The following NKD1 variants were observed in gnomAD, a reference collection of about 807,000 sequenced individuals.
The protein encoded by NKD1 is NKD inhibitor of Wnt signaling pathway 1, also known as protein naked cuticle homolog 1.
A neutral mutation model predicts 56.0 loss-of-function variants in NKD1; 21 were observed. That is an observed-to-expected ratio of 0.38 (90% CI 0.27 to 0.54). The LOEUF is 0.54. Ranked by LOEUF, NKD1 falls within the 20% of genes least tolerant of loss-of-function variation. The pLI is 0.82. For synonymous variants in NKD1, 263 were observed against 265.7 expected (o/e 0.99, Z 0.10); for missense variants, 578 against 642.7 (o/e 0.90, Z 1.09).
chr16:50,625,327 G>C, intron 5 of NKD1, 158 bp from the exon 6 acceptor site: 1 of 634,854 alleles, frequency 1.6e-6, no homozygotes, highest in South Asian at 1.8e-5. Flanking sequence ...TCCTGGGCCA[G>C]TTCTGTCTTG....
rs1962514710 is a variant in NKD1, at chr16:50,638,439, C to T, written c.*4658C>T. ...TGCCTCGGCCTCCCCAGACCAGCTG[C>T]ACCCAGCCCCCAACACGCACCCCTT... On this transcript the variant is annotated 3_prime_UTR_variant, in exon 10 of 10. Coordinates refer to ENST00000268459, the MANE Select transcript of NKD1 (RefSeq NM_033119.5). 6.5e-6 allele frequency: 1 copy of T among 152,862 alleles called. No homozygotes were observed. Among genetic ancestry groups the T allele is most frequent in the Non-Finnish European group, 1.5e-5 (1 of 68,340 alleles). 9.5% of individuals were successfully genotyped at this position (152,862 alleles called of 1,614,324 possible). A position where few individuals can be genotyped will look rare whatever the true frequency, so the allele number is the denominator to read the frequency against.
At position 50,632,470 on chromosome 16, in the gene NKD1, C is replaced by T. The variant is rs747792586; in HGVS notation, c.823+62C>T. ...GCAGGGCGTGGCTGGACGGGCCAGG[C>T]GGGCCGTGCGGGTGGTGTTCACTGC... On this transcript the variant is annotated intron_variant, in intron 9 of 9. Coordinates refer to ENST00000268459, the MANE Select transcript of NKD1 (RefSeq NM_033119.5). The surrounding 1 kb of genome is among the most constrained non-coding windows in gnomAD (Gnocchi z 4.1). 12 of 1,563,806 alleles carry T rather than the reference C, an allele frequency of 7.7e-6. No homozygotes were observed. In the Middle Eastern group the frequency reaches 5.2e-4, roughly 67 times the overall value.
chr16:50,622,118 AG>A (rs1962105716), intron 5 of NKD1, among the ~76,000 whole-genome samples: 1 of 152,056 alleles, frequency 6.6e-6, no homozygotes, highest in Admixed American at 6.5e-5. Context: ...GATGAACAGG[AG>A]GTACGGGCAG....
At chr16:50,610,750 C>A (rs1180660595) in intron 4 of NKD1, among the ~76,000 whole-genome samples, 1 of 152,192 alleles carries the variant, frequency 6.6e-6, no homozygotes, top group Non-Finnish European at 1.5e-5. Flanking sequence ...TATGTAAAGC[C>A]GGCCCTAATC....
At chr16:50,551,240 G>A (rs565100345) in intron 3 of NKD1, among the ~76,000 whole-genome samples, 10 of 152,128 alleles carry the variant, frequency 6.6e-5, no homozygotes, top group Admixed American at 6.5e-5. Flanking sequence ...AGTGAGGGAG[G>A]GTGGGGAGGG....
chr16:50,572,725 T>C (rs1960911248), intron 3 of NKD1, among the ~76,000 whole-genome samples: 1 of 152,200 alleles, frequency 6.6e-6, no homozygotes, highest in African/African-American at 2.4e-5. Flanking sequence ...CTATGGTTCG[T>C]CTTCTTACCC....
chr16:50,561,437 G>C (rs1035037778), intron 3 of NKD1, among the ~76,000 whole-genome samples: 1 of 151,382 alleles, frequency 6.6e-6, no homozygotes, highest in Non-Finnish European at 1.5e-5. Flanking sequence ...TGATCACTTT[G>C]TGACTTGCTT....
At chr16:50,568,801 A>G (rs1960820002) in intron 3 of NKD1, among the ~76,000 whole-genome samples, 2 of 152,152 alleles carry the variant, frequency 1.3e-5, no homozygotes, top group African/African-American at 4.8e-5. Context: ...CTGCCCCCCC[A>G]GAGGATGGGA....
chr16:50,601,275 G>A (rs1457166093), intron 3 of NKD1, among the ~76,000 whole-genome samples: 1 of 152,212 alleles, frequency 6.6e-6, no homozygotes, highest in African/African-American at 2.4e-5. Context: ...ATTGCTTCTG[G>A]GAGCTGTGGG....
chr16:50,616,019 A>G, intron 4 of NKD1: 2 of 451,442 alleles, frequency 4.4e-6, no homozygotes, highest in South Asian at 1.6e-5. Flanking sequence ...AGAGGCTAAT[A>G]TTAAAATTCA....
chr16:50,584,271 G>A (rs1961180885), intron 3 of NKD1, among the ~76,000 whole-genome samples: 1 of 152,158 alleles, frequency 6.6e-6, no homozygotes, highest in Non-Finnish European at 1.5e-5. Flanking sequence ...GAGAGGAAGT[G>A]GACTCCCCAG....
rs1962595068 is a variant in NKD1 at position 50,642,368 on chromosome 16, C to T, written c.*8587C>T. ...GACCTGATGTCCTAGATCCTGTGCA[C>T]TTGGCTTCATGGATAGAGTCTGAGA... On this transcript the variant is annotated 3_prime_UTR_variant, in exon 10 of 10. Transcript: ENST00000268459. The T allele has an allele frequency of 6.6e-6, 1 of 152,274 alleles. No homozygotes were observed. The highest frequency in any genetic ancestry group is 1.5e-5 in the Non-Finnish European group (1 of 68,072). 9.4% of individuals were successfully genotyped at this position (152,274 alleles called of 1,614,324 possible).
At chr16:50,590,643 T>C (rs895842856) in intron 3 of NKD1, among the ~76,000 whole-genome samples, 1 of 152,186 alleles carries the variant, frequency 6.6e-6, no homozygotes, top group African/African-American at 2.4e-5. Context: ...AGGAGGAAAC[T>C]AAGGTACAAA....
chr16:50,562,270 C>G, intron 3 of NKD1: 6 of 980,116 alleles, frequency 6.1e-6, no homozygotes, highest in Non-Finnish European at 6.1e-6. Context: ...GGTCCTGTTT[C>G]TTACAGTGTG....
chr16:50,599,812 C>T (rs537561123), intron 3 of NKD1, among the ~76,000 whole-genome samples: 1 of 152,218 alleles, frequency 6.6e-6, no homozygotes, highest in Non-Finnish European at 1.5e-5. Context: ...TGGTTCATCT[C>T]TTAAGGGCTC....
intron 4 of NKD1, among the ~76,000 whole-genome samples, chr16:50,620,588 C>T (rs1962064000): frequency 6.6e-6 from 1 of 152,128 alleles, no homozygotes; most frequent in South Asian, 2.1e-4. Flanking sequence ...CCCAGGGCAA[C>T]AGAAGGAATC....
intron 2 of NKD1, 146 bp from the exon 3 acceptor site, chr16:50,549,276 C>G: frequency 1.0e-6 from 1 of 989,788 alleles, no homozygotes; most frequent in Non-Finnish European, 1.5e-6. Context: ...GCGTCCCTCT[C>G]TTGGCTCCTG....
chr16:50,645,422 A>C lies in NKD1; in HGVS notation c.*11641A>C, dbSNP rs74017759. On this transcript the variant is annotated 3_prime_UTR_variant, in exon 10 of 10. Transcript: ENST00000268459. ...AGGGAGCAGCTGGTACAAGGGCCTC[A>C]AGGGTGGATGGAGGGTGAACGCTTG... is the stretch of plus-strand genomic sequence containing the variant. 0.024 allele frequency: 3,660 copies of C among 152,720 alleles called. 165 individuals are homozygous for C. Among genetic ancestry groups the C allele is most frequent in the African/African-American group, 0.083 (3,451 of 41,546 alleles). The allele number at this position is 152,720 out of a possible 1,614,324, so 9.5% of individuals were successfully genotyped here.
chr16:50,646,736 G>C lies in NKD1; in HGVS notation c.*12955G>C, dbSNP rs1962688557. 1 of 152,332 alleles carries C rather than the reference G, an allele frequency of 6.6e-6. No individual in the cohort carries two copies. Among genetic ancestry groups the C allele is most frequent in the Admixed American group, 6.5e-5 (1 of 15,286 alleles). 9.4% of individuals were successfully genotyped at this position (152,332 alleles called of 1,614,324 possible). On this transcript the variant is annotated 3_prime_UTR_variant, in exon 10 of 10. Coordinates refer to ENST00000268459, the MANE Select transcript of NKD1 (RefSeq NM_033119.5). ...GAACAACACCCTGGAACACCCAAGG[G>C]GGCTCCAAGGCAGGATGGGACCCCC...
Sources: allele counts gnomAD v4.1 joint callset (sites outside exome capture counted in the v4.1 genomes callset), GRCh38; gene constraint gnomAD v4.1.1; non-coding constraint Gnocchi (gnomAD v3.1); transcripts MANE v1.5; gene names NCBI Gene and HGNC (gene_info 2026-07-23, HGNC 2026-07-21).